The following SLC2A2 variants were observed in gnomAD, a reference collection of about 807,000 sequenced individuals.
The protein encoded by SLC2A2 is solute carrier family 2, facilitated glucose transporter member 2.
A neutral mutation model predicts 54.5 loss-of-function variants in SLC2A2; 36 were observed. The observed-to-expected ratio is 0.66, with a 90% CI of 0.51 to 0.87. The LOEUF is 0.87. SLC2A2 is among the 40% of genes least tolerant of loss of function. SLC2A2 has a pLI of 0.00. For synonymous variants in SLC2A2, 223 were observed against 219.1 expected (o/e 1.02, Z -0.16); for missense variants, 543 against 624.3 (o/e 0.87, Z 1.39).
chr3:171,026,642 T>C lies in SLC2A2; in HGVS notation c.15+14A>G. On this transcript the variant is annotated intron_variant, in intron 1 of 10. Transcript: ENST00000314251. The stretch of plus-strand genomic sequence containing the variant: ...CTGAAAACCAGACTTGAAATGAATA[T>C]AATGCTGCTTTACCTTATCTTCTGT... 3.1e-6 allele frequency: 5 copies of C among 1,610,872 alleles called. No homozygotes were observed. Among genetic ancestry groups the C allele is most frequent in the African/African-American group, 1.3e-5 (1 of 75,004 alleles).
intron 3 of SLC2A2, 78 bp from the exon 4 acceptor site, chr3:171,010,160 A>AT (rs368885987): frequency 6.3e-5 from 91 of 1,448,916 alleles, no homozygotes; most frequent in African/African-American, 1.8e-4. Context: ...GCATGTTGAG[A>AT]TTTTTTTTAA....
intron 1 of SLC2A2, 136 bp downstream of exon 1, chr3:171,026,520 T>C (rs1438002918): frequency 2.4e-5 from 19 of 790,928 alleles, no homozygotes; most frequent in South Asian, 1.1e-4. Flanking sequence ...AGTTCTTCAA[T>C]TGGCAAAGTA....
At chr3:171,015,156 A>G (rs11711206) in intron 2 of SLC2A2, among the ~76,000 whole-genome samples, 21,418 of 152,152 alleles carry the variant, frequency 0.14, 1,963 homozygotes, top group African/African-American at 0.26. Flanking sequence ...AATATTGGCA[A>G]CTATTGAAAT....
chr3:171,012,481 T>G (rs1277689909), intron 3 of SLC2A2, among the ~76,000 whole-genome samples: 1 of 152,204 alleles, frequency 6.6e-6, no homozygotes, highest in Non-Finnish European at 1.5e-5. Flanking sequence ...CATAGTCTTC[T>G]CTACCGTACC....
chr3:171,004,785 TTACTC>T (rs1292356915), intron 7 of SLC2A2, among the ~76,000 whole-genome samples: 1 of 151,988 alleles, frequency 6.6e-6, no homozygotes, highest in Non-Finnish European at 1.5e-5. Flanking sequence ...TCATGCCAGT[TTACTC>T]TATTATTTAT....
chr3:171,016,741 C>T (rs928621222), intron 2 of SLC2A2, among the ~76,000 whole-genome samples: 9 of 152,146 alleles, frequency 5.9e-5, no homozygotes, highest in Middle Eastern at 3.4e-3. Context: ...CTAACCTGGA[C>T]GCCAGTATGG....
intron 7 of SLC2A2, among the ~76,000 whole-genome samples, chr3:171,004,513 C>T (rs1022189905): frequency 2.6e-5 from 4 of 151,854 alleles, no homozygotes; most frequent in Non-Finnish European, 4.4e-5. Context: ...ACAAAGTGTC[C>T]CATGTGGATT....
chr3:171,003,697 A>G (rs557281286), intron 7 of SLC2A2, among the ~76,000 whole-genome samples: 17 of 152,026 alleles, frequency 1.1e-4, no homozygotes, highest in Non-Finnish European at 2.4e-4. Context: ...ATGAATAGTA[A>G]TAATGAATAG....
intron 1 of SLC2A2, among the ~76,000 whole-genome samples, chr3:171,019,129 G>GTATATATATATATA (rs200539659): frequency 4.0e-5 from 1 of 25,036 alleles, no homozygotes; most frequent in Admixed American, 4.2e-4. Flanking sequence ...ATATACGTAT[G>GTATATATATATATA]TATATATATA....
chr3:171,019,105 ATATATATATATATATATACGTATG>A (rs1231017739), intron 1 of SLC2A2, among the ~76,000 whole-genome samples: 3,976 of 12,784 alleles, frequency 0.31, 142 homozygotes, highest in African/African-American at 0.42. Flanking sequence ...GTGTATATAT[ATATATATATATATATATACGTATG>A]TATATATATA....
At chr3:171,017,075 C>G (rs371364262) in intron 2 of SLC2A2, among the ~76,000 whole-genome samples, 1 of 152,082 alleles carries the variant, frequency 6.6e-6, no homozygotes, top group South Asian at 2.1e-4. Context: ...TGGTCTCGAA[C>G]TCCCGACCTC....
chr3:171,008,367 G>A (rs1265617279), intron 4 of SLC2A2, among the ~76,000 whole-genome samples: 1 of 151,888 alleles, frequency 6.6e-6, no homozygotes, highest in Non-Finnish European at 1.5e-5. Flanking sequence ...CATTTATTTG[G>A]CTCAATTCTA....
chr3:171,012,038 A>G (rs1199613223), intron 3 of SLC2A2, among the ~76,000 whole-genome samples: 2 of 152,194 alleles, frequency 1.3e-5, no homozygotes, highest in Non-Finnish European at 2.9e-5. Context: ...CTATGTAAGC[A>G]TATTTCTTAA....
At chr3:171,007,528 A>C (rs1467920853) in intron 4 of SLC2A2, 5 of 441,400 alleles carry the variant, frequency 1.1e-5, no homozygotes, top group Non-Finnish European at 2.1e-5. Flanking sequence ...TATTTAATTA[A>C]AATTCATGTT....
At chr3:171,000,909 G>T (rs2108236595) in intron 8 of SLC2A2, among the ~76,000 whole-genome samples, 1 of 152,080 alleles carries the variant, frequency 6.6e-6, no homozygotes, top group Admixed American at 6.5e-5. Context: ...TATACTTTTT[G>T]AACTTTAAAA....
chr3:171,015,399 G>A (rs1037289090), intron 2 of SLC2A2, among the ~76,000 whole-genome samples: 1 of 152,106 alleles, frequency 6.6e-6, no homozygotes, highest in African/African-American at 2.4e-5. Flanking sequence ...TTGAGCCTGC[G>A]AGGTTGAGGC....
chr3:171,024,636 A>C (rs1230877225), intron 1 of SLC2A2, among the ~76,000 whole-genome samples: 1 of 152,236 alleles, frequency 6.6e-6, no homozygotes, highest in East Asian at 1.9e-4. Context: ...TTAAGTTGAA[A>C]GAGACCTTAG....
rs1374704836 is a variant in SLC2A2, at chr3:170,998,400, A to AG, written c.1171-5dup. On this transcript the variant is annotated splice_region_variant and splice_polypyrimidine_tract_variant and intron_variant, in intron 9 of 10. Coordinates refer to ENST00000314251, the MANE Select transcript of SLC2A2 (RefSeq NM_000340.2). ...AACTCATCCAAGAGAACTTATTCTG[A>AG]GGAAAAAAACAAAAACAATAGTGGG... 1.2e-6 allele frequency: 2 copies of AG among 1,612,966 alleles called. No homozygotes were observed. Among genetic ancestry groups the AG allele is most frequent in the Admixed American group, 1.7e-5 (1 of 59,854 alleles).
chr3:170,998,125 A>G (rs1212413505), intron 10 of SLC2A2, 22 bp from the exon 11 acceptor site: 2 of 1,613,532 alleles, frequency 1.2e-6, no homozygotes, highest in Non-Finnish European at 1.7e-6. Flanking sequence ...GCAAACACAG[A>G]CTTTGAGTTA....
Sources: gnomAD v4.1 joint callset for allele counts (sites outside exome capture counted in the v4.1 genomes callset) on GRCh38, gnomAD v4.1.1 for gene constraint, MANE v1.5 for transcripts, NCBI Gene and HGNC (gene_info 2026-07-23, HGNC 2026-07-21) for gene names.